PHACTR4: variants seen among roughly 807,000 people sequenced by gnomAD.
The protein encoded by PHACTR4 is phosphatase and actin regulator 4.
Under a neutral mutation model 72.7 loss-of-function variants are expected in PHACTR4, and 51 were observed. The observed-to-expected ratio is 0.70, with a 90% CI of 0.56 to 0.89. The LOEUF (loss-of-function observed/expected upper bound fraction) is 0.89. PHACTR4 is among the 40% of genes least tolerant of loss of function. PHACTR4 has a pLI of 0.00. For missense variants in PHACTR4, 731 were observed against 861.8 expected, an observed-to-expected ratio of 0.85 and a Z score of 1.90; for synonymous variants, 255 against 302.5, an observed-to-expected ratio of 0.84 and a Z score of 1.63.
At chr1:28,377,718 C>G (rs1043797066) in intron 1 of PHACTR4, among the ~76,000 whole-genome samples, 1 of 151,866 alleles carries the variant, frequency 6.6e-6, no homozygotes, top group Non-Finnish European at 1.5e-5. Context: ...TGAGTCCCAG[C>G]TACTCTGGAG....
intron 6 of PHACTR4, among the ~76,000 whole-genome samples, chr1:28,471,162 A>G (rs1659536390): frequency 6.6e-6 from 1 of 152,182 alleles, no homozygotes; most frequent in Admixed American, 6.5e-5. Flanking sequence ...AGCCTGACCA[A>G]CATGGAGAAA....
intron 2 of PHACTR4, among the ~76,000 whole-genome samples, chr1:28,456,498 C>T (rs1201651556): frequency 3.3e-5 from 5 of 152,176 alleles, no homozygotes; most frequent in Non-Finnish European, 7.3e-5. Flanking sequence ...CAGTATGGCT[C>T]TGTCGCCCAG....
At chr1:28,433,000 C>T (rs558675191) in intron 2 of PHACTR4, 1 of 912,648 alleles carries the variant, frequency 1.1e-6, no homozygotes, top group South Asian at 5.1e-5. Context: ...CGCTTGGCCT[C>T]CCAAAGTGCT....
intron 6 of PHACTR4, among the ~76,000 whole-genome samples, chr1:28,467,999 C>T (rs752690517): frequency 5.9e-5 from 9 of 152,026 alleles, no homozygotes; most frequent in South Asian, 2.1e-4. Context: ...CACGATTGAA[C>T]GAATGAATAA....
intron 1 of PHACTR4, among the ~76,000 whole-genome samples, chr1:28,379,545 AT>A (rs1185410788): frequency 1.3e-5 from 2 of 150,470 alleles, no homozygotes; most frequent in Admixed American, 6.6e-5. Context: ...GAGTGCTAGG[AT>A]TACAGGTGTG....
intron 2 of PHACTR4, among the ~76,000 whole-genome samples, chr1:28,454,953 G>A (rs945020683): frequency 5.9e-5 from 9 of 151,916 alleles, no homozygotes; most frequent in Admixed American, 1.3e-4. Context: ...TCCACCTCCC[G>A]CATTCAAGCC....
rs368011343 is a variant in PHACTR4 at position 28,483,458 on chromosome 1, TAAAG to T, written c.1760+2860_1760+2863del. ...AGCAAAACCTTGTCTCAAAAAAAAG[TAAAG>T]AAAGACATGTTTATTATATGGTAGT... is the stretch of plus-strand genomic sequence containing the variant. On this transcript the variant is annotated intron_variant, in intron 9 of 13. Coordinates refer to ENST00000373839, the MANE Select transcript of PHACTR4 (RefSeq NM_001048183.3). Among the ~76,000 whole-genome samples, 768 of 150,086 alleles carry T rather than the reference TAAAG, an allele frequency of 5.1e-3. 5 individuals carry two copies. Among genetic ancestry groups the T allele is most frequent in the African/African-American group, 0.018 (721 of 40,828 alleles).
rs575392337 is a variant in PHACTR4, at chr1:28,433,850, T to C, written c.17-25235T>C. Among the ~76,000 whole-genome samples the C allele has an allele frequency of 8.6e-5, 13 of 151,876 alleles. No homozygotes were observed. In the South Asian group the frequency reaches 2.7e-3, roughly 32 times the overall value. ...AGGCTAGAGTGCAATGGTGCAATCTTGGTCACTGCAACCTCCGCTTCCTGG... is the reference window on the plus strand; with the variant it reads ...AGGCTAGAGTGCAATGGTGCAATCTCGGTCACTGCAACCTCCGCTTCCTGG... On this transcript the variant is annotated intron_variant, in intron 2 of 13. Coordinates refer to ENST00000373839, the MANE Select transcript of PHACTR4 (RefSeq NM_001048183.3).
intron 1 of PHACTR4, 95 bp from the exon 2 acceptor site, chr1:28,407,315 A>G (rs1654417114): frequency 7.3e-6 from 4 of 548,920 alleles, no homozygotes; most frequent in Non-Finnish European, 1.3e-5. Context: ...TTTAAACTAT[A>G]GTCAATGTTA....
In PHACTR4 at chr1:28,490,931, CTTCT is replaced by C. The variant is rs1207151813; in HGVS notation, c.1817-19_1817-16del. On this transcript the variant is annotated splice_polypyrimidine_tract_variant and intron_variant, in intron 10 of 13. Transcript: ENST00000373839. The stretch of plus-strand genomic sequence containing the variant: ...TGTCATTTGTGAGTAATATTCCTTC[CTTCT>C]GATTGTCAACTGTAGCTAAAAATGA... 1 of 1,609,098 alleles carries C rather than the reference CTTCT, an allele frequency of 6.2e-7. No homozygotes were observed. Among genetic ancestry groups the C allele is most frequent in the Non-Finnish European group, 8.5e-7 (1 of 1,175,684 alleles).
Position 28,374,050 on chromosome 1 carries a change from G to A in PHACTR4, c.-39+4225G>A, listed in dbSNP as rs187286540. Among the ~76,000 whole-genome samples, 601 of 152,282 alleles carry A rather than the reference G, an allele frequency of 3.9e-3. 4 individuals carry two copies. The highest frequency in any genetic ancestry group is 0.013 in the African/African-American group (554 of 41,554). Reference sequence around the variant, plus strand: ...AGGCAAATTGATTTACAAGGAACTGGAATTTCTGGAACCATAAACAATGAG... The same window carrying A: ...AGGCAAATTGATTTACAAGGAACTGAAATTTCTGGAACCATAAACAATGAG... On this transcript the variant is annotated intron_variant, in intron 1 of 13. Coordinates refer to ENST00000373839, the MANE Select transcript of PHACTR4 (RefSeq NM_001048183.3).
chr1:28,433,949 A>G lies in PHACTR4; in HGVS notation c.17-25136A>G, dbSNP rs560621244. On this transcript the variant is annotated intron_variant, in intron 2 of 13. Transcript: ENST00000373839. Reference sequence around the variant, plus strand: ...GCTCCCGCCACCACGCCCGGCTAATATTTGTATTTTTAGTAGAGAGGGGTT... The same window carrying G: ...GCTCCCGCCACCACGCCCGGCTAATGTTTGTATTTTTAGTAGAGAGGGGTT... Among the ~76,000 whole-genome samples the G allele has an allele frequency of 4.6e-5, 7 of 150,538 alleles. No individual in the cohort carries two copies. In the East Asian group the frequency reaches 9.9e-4, roughly 21 times the overall value.
chr1:28,402,443 T>C (rs1654011528), intron 1 of PHACTR4, among the ~76,000 whole-genome samples: 1 of 152,096 alleles, frequency 6.6e-6, no homozygotes, highest in Non-Finnish European at 1.5e-5. Context: ...TCAGTGTATA[T>C]AGGGGGTATT....
intron 1 of PHACTR4, among the ~76,000 whole-genome samples, chr1:28,372,784 G>A (rs1273960440): frequency 3.3e-5 from 5 of 151,348 alleles, no homozygotes; most frequent in African/African-American, 9.7e-5. Context: ...CCTGGGAGGC[G>A]GAGGTTACAG....
intron 2 of PHACTR4, chr1:28,438,040 C>CG (rs1376453305): frequency 2.7e-5 from 18 of 664,746 alleles, no homozygotes; most frequent in Non-Finnish European, 3.4e-5. Context: ...AAGTCAGGAA[C>CG]GGGGGTGTGG....
At chr1:28,411,803 G>A (rs528456603) in intron 2 of PHACTR4, among the ~76,000 whole-genome samples, 25 of 149,964 alleles carry the variant, frequency 1.7e-4, no homozygotes, top group Non-Finnish European at 3.3e-4. Context: ...ACCTATTGAA[G>A]TAAAAAATGA....
intron 1 of PHACTR4, among the ~76,000 whole-genome samples, chr1:28,392,017 G>A (rs550812099): frequency 6.6e-6 from 1 of 152,202 alleles, no homozygotes; most frequent in Admixed American, 6.6e-5. Context: ...GTTTGATTTA[G>A]CCATTCCACA....
chr1:28,408,627 C>CGT (rs1382692118), intron 2 of PHACTR4, among the ~76,000 whole-genome samples: 2 of 150,076 alleles, frequency 1.3e-5, no homozygotes, highest in East Asian at 2.0e-4. Flanking sequence ...TATATATGTA[C>CGT]GTGTGTGTGT....
intron 2 of PHACTR4, among the ~76,000 whole-genome samples, chr1:28,417,948 C>CAAA (rs745690078): frequency 2.4e-5 from 2 of 83,482 alleles, no homozygotes; most frequent in South Asian, 8.7e-4. Context: ...GGAGACCCTA[C>CAAA]AAAAAAAAAA....
Sources: allele counts gnomAD v4.1 joint callset (sites outside exome capture counted in the v4.1 genomes callset), GRCh38; gene constraint gnomAD v4.1.1; transcripts MANE v1.5; gene names NCBI Gene and HGNC (gene_info 2026-07-23, HGNC 2026-07-21).